Variants in GPC5 observed in about 807,000 individuals in gnomAD.
GPC5 encodes the protein glypican 5.
In GPC5, 47 loss-of-function variants were observed where a neutral mutation model predicts 53.9. That is an observed-to-expected ratio of 0.87 (90% confidence interval 0.69 to 1.11). The LOEUF (loss-of-function observed/expected upper bound fraction) is 1.11. Ranked by LOEUF, GPC5 falls within the 50% of genes most tolerant of loss-of-function variation. GPC5 has a pLI of 0.00. For missense variants in GPC5, 748 were observed against 713.1 expected (o/e 1.05, Z -0.56); for synonymous variants, 286 against 263.3 (o/e 1.09, Z -0.84).
At chr13:92,348,469 T>C (rs2043446974) in intron 7 of GPC5, among the ~76,000 whole-genome samples, 2 of 152,256 alleles carry the variant, frequency 1.3e-5, no homozygotes, top group South Asian at 2.1e-4. Context: ...GGGATTGCCA[T>C]ACAATAATAG....
chr13:91,935,670 G>A (rs568087853), intron 6 of GPC5, among the ~76,000 whole-genome samples: 1 of 152,088 alleles, frequency 6.6e-6, no homozygotes, highest in East Asian at 1.9e-4. Flanking sequence ...TGATTGATGG[G>A]TGGTATAATT....
rs577566138 is a variant in GPC5 at position 91,958,862 on chromosome 13, T to C, written c.1401+50805T>C. On this transcript the variant is annotated intron_variant, in intron 6 of 7. Transcript: ENST00000377067. ...CCTAAACACAACATACTCAAATCTA[T>C]GGAATACAGCAAAAACTGTGCTAAG... Among the ~76,000 whole-genome samples the C allele has an allele frequency of 2.6e-5, 4 of 152,102 alleles. No individual in the cohort carries two copies. In the East Asian group the frequency reaches 7.7e-4, roughly 29 times the overall value.
chr13:92,482,273 A>T (rs569349169), intron 7 of GPC5, among the ~76,000 whole-genome samples: 9 of 152,308 alleles, frequency 5.9e-5, no homozygotes, highest in African/African-American at 2.2e-4. Flanking sequence ...CACAACCACC[A>T]TTCTGTTTTA....
At chr13:92,459,940 A>G (rs1878415648) in intron 7 of GPC5, among the ~76,000 whole-genome samples, 2 of 152,148 alleles carry the variant, frequency 1.3e-5, no homozygotes, top group African/African-American at 4.8e-5. Context: ...TTTGAAGATA[A>G]AGTATGTTTA....
At chr13:92,217,598 C>A (rs924460424) in intron 7 of GPC5, among the ~76,000 whole-genome samples, 5 of 152,190 alleles carry the variant, frequency 3.3e-5, no homozygotes, top group African/African-American at 9.6e-5. Flanking sequence ...CAGAGTGGAG[C>A]CCCGTGTCTC....
intron 7 of GPC5, among the ~76,000 whole-genome samples, chr13:92,156,813 C>T (rs1382374727): frequency 6.6e-6 from 1 of 151,444 alleles, no homozygotes; most frequent in African/African-American, 2.4e-5. Context: ...TGATCCTTTC[C>T]CCCTGATTTA....
chr13:91,721,768 C>T (rs542264074), intron 3 of GPC5, among the ~76,000 whole-genome samples: 3 of 152,264 alleles, frequency 2.0e-5, no homozygotes, highest in East Asian at 3.9e-4. Context: ...TGTTTGTTAA[C>T]ATTATTCAGA....
At chr13:92,381,863 A>ATTG (rs2139307698) in intron 7 of GPC5, among the ~76,000 whole-genome samples, 1 of 131,802 alleles carries the variant, frequency 7.6e-6, no homozygotes, top group East Asian at 2.1e-4. Context: ...ATATGATTAT[A>ATTG]TATATCATAT....
intron 7 of GPC5, among the ~76,000 whole-genome samples, chr13:92,365,699 A>G (rs1406558298): frequency 6.6e-6 from 1 of 150,726 alleles, no homozygotes; most frequent in Non-Finnish European, 1.5e-5. Flanking sequence ...TTTGTTAAAA[A>G]TCTAAGACGA....
intron 7 of GPC5, among the ~76,000 whole-genome samples, chr13:92,405,522 A>G (rs1875754316): frequency 1.3e-5 from 2 of 152,230 alleles, no homozygotes; most frequent in African/African-American, 4.8e-5. Flanking sequence ...CTTATATTCA[A>G]AATTTTCACA....
rs546775143 is a variant in GPC5 at position 92,031,856 on chromosome 13, AAT to A, written c.1402-112965_1402-112964del. On this transcript the variant is annotated intron_variant, in intron 6 of 7. Transcript: ENST00000377067. ...ATATAATATATTACATATTATATAT[AAT>A]ATATATATTATATATAACATATATT... 8.1e-3 allele frequency among the ~76,000 whole-genome samples: 842 copies of A among 104,254 alleles called. 18 individuals are homozygous for A. Among genetic ancestry groups the A allele is most frequent in the African/African-American group, 0.025 (636 of 25,412 alleles). The allele number at this position is 104,254 out of a possible 152,430, so 68.4% of individuals were successfully genotyped here.
chr13:92,584,355 C>T (rs919440142), intron 7 of GPC5, among the ~76,000 whole-genome samples: 1 of 152,142 alleles, frequency 6.6e-6, no homozygotes, highest in African/African-American at 2.4e-5. Flanking sequence ...AAAGGTGACT[C>T]TTGCTATGTT....
At chr13:91,860,525 C>CT (rs553332919) in intron 5 of GPC5, among the ~76,000 whole-genome samples, 22,019 of 132,062 alleles carry the variant, frequency 0.17, 2,137 homozygotes, top group African/African-American at 0.27. Flanking sequence ...TTCTTTATTT[C>CT]TTTTTTTTTT....
At chr13:91,863,783 A>T (rs1460241450) in intron 5 of GPC5, among the ~76,000 whole-genome samples, 2 of 152,118 alleles carry the variant, frequency 1.3e-5, no homozygotes, top group East Asian at 3.9e-4. Context: ...AAAAATAGAA[A>T]CCCTTTTGGA....
At chr13:92,606,146 G>A (rs1402849421) in intron 7 of GPC5, among the ~76,000 whole-genome samples, 1 of 151,886 alleles carries the variant, frequency 6.6e-6, no homozygotes. Context: ...GTGCAGGTTT[G>A]TTACATATGT....
At chr13:91,488,772 G>T (rs1204123856) in intron 2 of GPC5, among the ~76,000 whole-genome samples, 1 of 152,232 alleles carries the variant, frequency 6.6e-6, no homozygotes, top group Non-Finnish European at 1.5e-5. Context: ...GGGAACAAGA[G>T]AGATAACCGT....
At chr13:92,632,474 A>ATATAT (rs1555297288) in intron 7 of GPC5, among the ~76,000 whole-genome samples, 18 of 125,090 alleles carry the variant, frequency 1.4e-4, no homozygotes, top group African/African-American at 5.4e-4. Context: ...ATATATATAT[A>ATATAT]TATATATATA....
Position 91,627,004 on chromosome 13 carries a change from A to ATT in GPC5, c.326-66147_326-66146dup, listed in dbSNP as rs1215877558. On this transcript the variant is annotated intron_variant, in intron 2 of 7. Transcript: ENST00000377067. Reference sequence around the variant, plus strand: ...TCCCTACAAAGGACATGAACTCATCATTTTTTTTTTTTTTTTTTTTTTTTT... The same window carrying ATT: ...TCCCTACAAAGGACATGAACTCATCATTTTTTTTTTTTTTTTTTTTTTTTTTT... Among the ~76,000 whole-genome samples the ATT allele has an allele frequency of 2.9e-3, 14 of 4,878 alleles. 5 individuals carry two copies. The highest frequency in any genetic ancestry group is 3.5e-3 in the African/African-American group (1 of 286). The allele number at this position is 4,878 out of a possible 152,430, so 3.2% of individuals were successfully genotyped here.
intron 6 of GPC5, among the ~76,000 whole-genome samples, chr13:92,118,207 A>G (rs1188188136): frequency 2.6e-5 from 4 of 152,176 alleles, no homozygotes; most frequent in African/African-American, 9.7e-5. Context: ...TGCTGCATCT[A>G]CTGAATGACG....
Sources: gnomAD v4.1 joint callset for allele counts (sites outside exome capture counted in the v4.1 genomes callset) on GRCh38, gnomAD v4.1.1 for gene constraint, MANE v1.5 for transcripts, NCBI Gene and HGNC (gene_info 2026-07-23, HGNC 2026-07-21) for gene names.